The following PPT1 variants were observed in gnomAD, a reference collection of about 807,000 sequenced individuals.
PPT1 encodes ceroid-palmitoyl-palmitoyl-protein thioesterase 1.
In PPT1, 24 loss-of-function variants were observed where a neutral mutation model predicts 44.0. The ratio of observed to expected loss-of-function variants is 0.54; its 90% CI spans 0.39 to 0.77. The LOEUF (loss-of-function observed/expected upper bound fraction) is 0.77. PPT1 is among the 30% of genes least tolerant of loss of function. The probability of loss-of-function intolerance (pLI) is 0.00; values close to 1 mark genes in which losing one functional copy is unlikely to be tolerated. For missense variants in PPT1, 341 were observed against 378.8 expected (o/e 0.90, Z 0.83); for synonymous variants, 148 against 140.2 (o/e 1.06, Z -0.39).
intron 1 of PPT1, among the ~76,000 whole-genome samples, chr1:40,094,337 A>G (rs1649731243): frequency 6.6e-6 from 1 of 152,194 alleles, no homozygotes; most frequent in African/African-American, 2.4e-5. Context: ...CGCAGTTCAC[A>G]ACAGCATTTG....
Position 40,074,027 on chromosome 1 carries a change from G to C in PPT1, c.*34C>G, listed in dbSNP as rs763337954. ...TCCCATGTGGTTTGGAAGAGTTAGG[G>C]GCTCCCTGAGCTCTATTGTGAACTA... On this transcript the variant is annotated 3_prime_UTR_variant, in exon 9 of 9. Transcript: ENST00000642050. 1.2e-6 allele frequency: 2 copies of C among 1,613,468 alleles called. No individual in the cohort carries two copies. The highest frequency in any genetic ancestry group is 1.7e-6 in the Non-Finnish European group (2 of 1,179,832).
At chr1:40,091,915 C>T (rs1649585347) in intron 3 of PPT1, 130 bp downstream of exon 3, 1 of 1,144,692 alleles carries the variant, frequency 8.7e-7, no homozygotes, top group South Asian at 1.4e-5. Context: ...GCTTCTTACA[C>T]AGGAACATTT....
intron 6 of PPT1, 28 bp from the exon 7 acceptor site, chr1:40,078,686 G>C: frequency 6.4e-7 from 1 of 1,564,686 alleles, no homozygotes; most frequent in Non-Finnish European, 8.8e-7. Context: ...AACACCTAAG[G>C]TCATTACCAT....
rs1337942495 is a variant in PPT1 at position 40,089,502 on chromosome 1, T to C, written c.444A>G (p.Gly148=). 7.4e-6 allele frequency: 12 copies of C among 1,613,176 alleles called. No individual in the cohort carries two copies. Among genetic ancestry groups the C allele is most frequent in the Non-Finnish European group, 1.0e-5 (12 of 1,179,508 alleles). The change falls in exon 5 of 9, where the codon GGA becomes GGG. Residue 148 remains glycine, a synonymous_variant. Coordinates refer to ENST00000642050, the MANE Select transcript of PPT1 (RefSeq NM_000310.4). ...AGCTCTCTCCTGGGCATCGAGGGAG[T>C]CCAAAAACACCTACAGTGGTAGATG... ...SVGGQHQGVF[G]LPRCPGESSH... is the part of the protein sequence containing the mutation.
At chr1:40,074,308 A>AC (rs1355627830) in intron 8 of PPT1, 125 bp from the exon 9 acceptor site, 1 of 1,202,180 alleles carries the variant, frequency 8.3e-7, no homozygotes, top group Non-Finnish European at 1.2e-6. Context: ...ATTGAGGTGT[A>AC]TTTTCAAAAA....
chr1:40,092,240 G>A, intron 2 of PPT1, 68 bp from the exon 3 acceptor site: 1 of 1,602,228 alleles, frequency 6.2e-7, no homozygotes, highest in Non-Finnish European at 8.6e-7. Context: ...TTCTCTAAGA[G>A]GTAAACTCAT....
rs537328803 is a variant in PPT1 at position 40,093,683 on chromosome 1, G to A, written c.125-1176C>T. ...GGGTGGATCACAAGGTCAGGAGCTCGAGACCAGCCTGGGCAACATGGTGAA... is the reference window on the plus strand; with the variant it reads ...GGGTGGATCACAAGGTCAGGAGCTCAAGACCAGCCTGGGCAACATGGTGAA... On this transcript the variant is annotated intron_variant, in intron 1 of 8. Transcript: ENST00000642050. Among the ~76,000 whole-genome samples, 4 of 152,076 alleles carry A rather than the reference G, an allele frequency of 2.6e-5. No individual in the cohort carries two copies. The East Asian group carries it at 5.8e-4, about 22-fold the overall frequency.
chr1:40,090,525 T>G (rs1649510634), intron 4 of PPT1, among the ~76,000 whole-genome samples: 1 of 152,230 alleles, frequency 6.6e-6, no homozygotes, highest in South Asian at 2.1e-4. Flanking sequence ...AAGAACCTTG[T>G]CTGTCTTGTT....
At chr1:40,092,253 A>C (rs1649606627) in intron 2 of PPT1, 81 bp from the exon 3 acceptor site, 1 of 1,591,824 alleles carries the variant, frequency 6.3e-7, no homozygotes, top group Admixed American at 1.7e-5. Flanking sequence ...AAACTCATTT[A>C]GGTTGGTATC....
At chr1:40,090,555 T>C (rs1236809038) in intron 4 of PPT1, among the ~76,000 whole-genome samples, 1 of 152,216 alleles carries the variant, frequency 6.6e-6, no homozygotes, top group Non-Finnish European at 1.5e-5. Context: ...TAATAGGTTT[T>C]CAATAAATAT....
intron 1 of PPT1, among the ~76,000 whole-genome samples, chr1:40,096,079 A>G (rs1649824892): frequency 6.6e-6 from 1 of 152,050 alleles, no homozygotes; most frequent in African/African-American, 2.4e-5. Context: ...TTTCCCATTT[A>G]CTGTTCCTTC....
At chr1:40,083,547 GC>G (rs1282754653) in intron 5 of PPT1, among the ~76,000 whole-genome samples, 2 of 152,128 alleles carry the variant, frequency 1.3e-5, no homozygotes, top group Non-Finnish European at 2.9e-5. Context: ...GGTCACCCAA[GC>G]GCTCTGATGG....
chr1:40,081,878 C>T (rs1391599916), intron 5 of PPT1, among the ~76,000 whole-genome samples: 1 of 152,136 alleles, frequency 6.6e-6, no homozygotes, highest in Non-Finnish European at 1.5e-5. Flanking sequence ...CAGAAGAAGA[C>T]AGGAAAATGT....
chr1:40,084,724 T>G (rs1334141577), intron 5 of PPT1, among the ~76,000 whole-genome samples: 2 of 152,240 alleles, frequency 1.3e-5, no homozygotes, highest in African/African-American at 4.8e-5. Context: ...TTTGTAGCAA[T>G]TATTCTTTAT....
In PPT1 at chr1:40,092,457, C is replaced by T. The variant is rs750533343; in HGVS notation, c.175G>A (p.Glu59Lys). 44 of 1,613,838 alleles carry T rather than the reference C, an allele frequency of 2.7e-5. No individual in the cohort carries two copies. In the Admixed American group the frequency reaches 3.5e-4, roughly 13 times the overall value. The stretch of plus-strand genomic sequence containing the variant: ...ACGTAAATTCCAGGTATTTTCTTCT[C>T]CACCATTTTTTTAATAGCACCCATG... ...LSMGAIKKMV[E>K]KKIPGIYVLS... The change falls in exon 2 of 9, where the codon GAG becomes AAG. Residue 59 changes from glutamate to lysine, a missense_variant. Transcript: ENST00000642050.
At chr1:40,095,861 T>A (rs1232163319) in intron 1 of PPT1, among the ~76,000 whole-genome samples, 4 of 152,220 alleles carry the variant, frequency 2.6e-5, no homozygotes, top group African/African-American at 9.7e-5. Flanking sequence ...TAAAAATGTG[T>A]CAGATCATGT....
rs766163400 is a variant in PPT1 at position 40,078,640 on chromosome 1, T to G, written c.646A>C (p.Lys216Gln). 1 of 1,613,678 alleles carries G rather than the reference T, an allele frequency of 6.2e-7. No homozygotes were observed. Among genetic ancestry groups the G allele is most frequent in the Non-Finnish European group, 8.5e-7 (1 of 1,179,778 alleles). ...NQERGINESY[K>Q]KNLMALKKFV... ...TTCTTCAGGGCCATCAGGTTTTTCT[T>G]GTAGGACTCATTGATACCCTGAAAG... Residue 216 changes from lysine (K) to glutamine (Q), a missense_variant, in exon 7 of 9, where the codon AAG becomes CAG. Physicochemically the swap from Lys to Gln is moderately conservative, Grantham distance 53 (BLOSUM62 1). Coordinates refer to ENST00000642050, the MANE Select transcript of PPT1 (RefSeq NM_000310.4).
intron 1 of PPT1, among the ~76,000 whole-genome samples, chr1:40,096,052 T>C (rs959737585): frequency 1.3e-5 from 2 of 152,192 alleles, no homozygotes; most frequent in Non-Finnish European, 2.9e-5. Context: ...ACACCAGACA[T>C]ACTTCCACAT....
rs765938149 is a variant in PPT1 at position 40,097,221 on chromosome 1, G to T, written c.18C>A (p.Cys6Ter). 1.9e-6 allele frequency: 3 copies of T among 1,613,970 alleles called. No individual in the cohort carries two copies. The highest frequency in any genetic ancestry group is 2.2e-5 in the South Asian group (2 of 91,072). The part of the protein sequence containing the change: MASPG[C>*]LWLLAVALLP... ...GGAGAGCCACAGCCAAGAGCCACAG[G>T]CAGCCGGGCGACGCCATCTTCGCTG... Residue 6 changes from cysteine to a stop codon, truncating the protein, a stop_gained, in exon 1 of 9, where the codon TGC becomes TGA. Transcript: ENST00000642050. LOFTEE classifies it high-confidence loss of function.
Sources: allele counts gnomAD v4.1 joint callset (sites outside exome capture counted in the v4.1 genomes callset), GRCh38; gene constraint gnomAD v4.1.1; transcripts MANE v1.5; gene names NCBI Gene and HGNC (gene_info 2026-07-23, HGNC 2026-07-21).